CHD9: variants seen among roughly 807,000 people sequenced by gnomAD.
The protein encoded by CHD9 is ATP-dependent chromatin remodeler CHD9.
CHD9 carries 77 observed loss-of-function variants against 316.1 expected under a neutral mutation model. That is an observed-to-expected ratio of 0.24 (90% confidence interval 0.20 to 0.29). CHD9 has a LOEUF of 0.29. Ranked by LOEUF, CHD9 falls within the 10% of genes least tolerant of loss-of-function variation. The pLI is 1.00. For synonymous variants in CHD9, 1,129 were observed against 1,158.3 expected (o/e 0.97, Z 0.51); for missense variants, 2,763 against 3,438.1 (o/e 0.80, Z 4.91).
chr16:53,205,587 G>A (rs550089478), intron 2 of CHD9, among the ~76,000 whole-genome samples: 19 of 152,298 alleles, frequency 1.2e-4, no homozygotes, highest in East Asian at 7.7e-4. Flanking sequence ...TATTCTGTGG[G>A]AATATGGTTT....
chr16:53,084,300 G>A (rs1175115363), intron 1 of CHD9, among the ~76,000 whole-genome samples: 2 of 152,184 alleles, frequency 1.3e-5, no homozygotes, highest in East Asian at 1.9e-4. Context: ...AGTTCTTAAG[G>A]TTGACTCAAA....
Position 53,204,023 on chromosome 16 carries a change from C to CA in CHD9, c.1453-5433dup, listed in dbSNP as rs530552464. The stretch of plus-strand genomic sequence containing the variant: ...TGGGCGACAGAGCAAGACTCCATCT[C>CA]AAAAAAAAAAAAAAAAAAAAAAAAA... On this transcript the variant is annotated intron_variant, in intron 2 of 38. Transcript: ENST00000447540. 7.5e-3 allele frequency among the ~76,000 whole-genome samples: 361 copies of CA among 48,320 alleles called. 12 individuals carry two copies. The highest frequency in any genetic ancestry group is 0.015 in the East Asian group (19 of 1,236). 31.7% of individuals were successfully genotyped at this position (48,320 alleles called of 152,430 possible). A position where few individuals can be genotyped will look rare whatever the true frequency, so the allele number is the denominator to read the frequency against.
chr16:53,165,970 A>T (rs1322928475), intron 2 of CHD9, among the ~76,000 whole-genome samples: 1 of 152,144 alleles, frequency 6.6e-6, no homozygotes, highest in Non-Finnish European at 1.5e-5. Context: ...TTAAATCTTT[A>T]TGCATTTGGC....
At chr16:53,154,544 G>A (rs2041366051) in intron 1 of CHD9, among the ~76,000 whole-genome samples, 1 of 152,190 alleles carries the variant, frequency 6.6e-6, no homozygotes, top group East Asian at 1.9e-4. Flanking sequence ...CGTGGATGGG[G>A]TAGGGAAATG....
At chr16:53,208,501 T>C (rs2046066897) in intron 2 of CHD9, 3 of 1,148,414 alleles carry the variant, frequency 2.6e-6, no homozygotes, top group Non-Finnish European at 1.1e-6. Context: ...GTCTTGGTTA[T>C]TTGTTATAGC....
rs534508273 is a variant in CHD9, at chr16:53,303,799, A to G, written c.5793A>G (p.Leu1931=). 9.3e-6 allele frequency: 15 copies of G among 1,614,052 alleles called. No individual in the cohort carries two copies. The highest frequency in any genetic ancestry group is 6.7e-5 in the African/African-American group (5 of 75,072). The change falls in exon 31 of 39, where the codon CTA becomes CTG. Residue 1931 remains leucine, a synonymous_variant. Coordinates refer to ENST00000447540, the MANE Select transcript of CHD9 (RefSeq NM_001308319.2). ...GGACTTTGTATCGCATTGAACTTCT[A>G]AGGAAAGTACGGGAACAGGCCCTTC... The part of the protein sequence containing the change: ...ASRTLYRIEL[L]RKVREQALRH...
Position 53,254,611 on chromosome 16 carries a change from T to A in CHD9, c.4029+6T>A, listed in dbSNP as rs1465904917. The A allele has an allele frequency of 6.4e-7, 1 of 1,572,278 alleles. No homozygotes were observed. Among genetic ancestry groups the A allele is most frequent in the Non-Finnish European group, 8.7e-7 (1 of 1,154,814 alleles). ...GAGAAAGTAATGTTGGTGGTGTATG[T>A]ATAGTTTCTTTTTCACTTGAGATTT... On this transcript the variant is annotated splice_donor_region_variant and intron_variant, in intron 18 of 38. Transcript: ENST00000447540.
chr16:53,234,679 C>T (rs1051491582), intron 10 of CHD9, among the ~76,000 whole-genome samples: 3 of 151,860 alleles, frequency 2.0e-5, no homozygotes, highest in African/African-American at 7.3e-5. Context: ...TAATCTCAAG[C>T]GATCCTCCCC....
intron 1 of CHD9, 94 bp from the exon 2 acceptor site, chr16:53,155,832 C>T (rs2041484982): frequency 2.4e-6 from 1 of 412,436 alleles, no homozygotes; most frequent in African/African-American, 2.0e-5. Context: ...TGACTGACCT[C>T]TTTCACTTAG....
intron 2 of CHD9, among the ~76,000 whole-genome samples, chr16:53,204,385 C>T (rs966412777): frequency 3.3e-5 from 5 of 152,114 alleles, no homozygotes; most frequent in Non-Finnish European, 7.4e-5. Context: ...ACCTAAGTCC[C>T]CACTCAGATT....
intron 1 of CHD9, among the ~76,000 whole-genome samples, chr16:53,153,222 G>A (rs2041256686): frequency 2.6e-5 from 4 of 152,160 alleles, no homozygotes; most frequent in Admixed American, 2.0e-4. Flanking sequence ...GATTCCTCAA[G>A]TTTGTTGTAA....
At chr16:53,307,295 G>A (rs555986288) in intron 32 of CHD9, among the ~76,000 whole-genome samples, 4 of 152,128 alleles carry the variant, frequency 2.6e-5, no homozygotes, top group East Asian at 1.9e-4. Context: ...GTGAGACACG[G>A]TCTTACTCTG....
intron 1 of CHD9, among the ~76,000 whole-genome samples, chr16:53,143,358 T>A (rs986449793): frequency 7.2e-6 from 1 of 137,982 alleles, no homozygotes; most frequent in Admixed American, 7.3e-5. Context: ...TTTTATCTTA[T>A]TTTATTTATT....
Position 53,235,171 on chromosome 16 carries a change from GT to G in CHD9, c.2512-9del. The G allele has an allele frequency of 6.5e-7, 1 of 1,549,298 alleles. No homozygotes were observed. The highest frequency in any genetic ancestry group is 1.2e-5 in the South Asian group (1 of 82,854). On this transcript the variant is annotated splice_polypyrimidine_tract_variant and intron_variant, in intron 10 of 38. Transcript: ENST00000447540. ...AAGATTTAAACACCATTCATTCTTT[GT>G]TTTTCCACAAAGGACCGTCCTCCTT...
At chr16:53,195,763 CTT>C (rs553431442) in intron 2 of CHD9, among the ~76,000 whole-genome samples, 53 of 125,586 alleles carry the variant, frequency 4.2e-4, no homozygotes, top group Admixed American at 4.8e-4. Context: ...TCAATGTATG[CTT>C]TTTTTTTTTT....
rs781745545 is a variant in CHD9, at chr16:53,314,821, A to G, written c.7363-2A>G. ...AAGATACCATTTGGTGTTTTTTTAC[A>G]GGTTTCTTTAGGCTTAACCTCCTCA... On this transcript the variant is annotated splice_acceptor_variant, in intron 35 of 38. Coordinates refer to ENST00000447540, the MANE Select transcript of CHD9 (RefSeq NM_001308319.2). LOFTEE classifies it high-confidence loss of function. 1 of 1,587,364 alleles carries G rather than the reference A, an allele frequency of 6.3e-7. No homozygotes were observed. Among genetic ancestry groups the G allele is most frequent in the Non-Finnish European group, 8.6e-7 (1 of 1,165,446 alleles).
chr16:53,308,433 G>A (rs1372662219), intron 33 of CHD9, among the ~76,000 whole-genome samples: 1 of 152,124 alleles, frequency 6.6e-6, no homozygotes, highest in Non-Finnish European at 1.5e-5. Flanking sequence ...CAGTGTACTA[G>A]TAACATCTTG....
chr16:53,131,385 C>T lies in CHD9; in HGVS notation c.-164-24541C>T, dbSNP rs889337374. On this transcript the variant is annotated intron_variant, in intron 1 of 38. Coordinates refer to ENST00000447540, the MANE Select transcript of CHD9 (RefSeq NM_001308319.2). The stretch of plus-strand genomic sequence containing the variant: ...AGGGGCAGGCGGGGCGGCGCCCCCG[C>T]CTGAGGTGAGGGATCCGGTCCCGGG... The T allele has an allele frequency of 2.0e-3, 296 of 146,416 alleles. 3 individuals carry two copies. Among genetic ancestry groups the T allele is most frequent in the African/African-American group, 7.0e-3 (280 of 39,920 alleles). 9.1% of individuals were successfully genotyped at this position (146,416 alleles called of 1,614,324 possible). A position where few individuals can be genotyped will look rare whatever the true frequency, so the allele number is the denominator to read the frequency against.
At chr16:53,094,043 A>T (rs182678267) in intron 1 of CHD9, among the ~76,000 whole-genome samples, 136 of 152,294 alleles carry the variant, frequency 8.9e-4, no homozygotes, top group Non-Finnish European at 1.7e-3. Flanking sequence ...TTAAGGAAAA[A>T]GTGCTTGCTT....
Sources: gnomAD v4.1 joint callset for allele counts (sites outside exome capture counted in the v4.1 genomes callset) on GRCh38, gnomAD v4.1.1 for gene constraint, MANE v1.5 for transcripts, NCBI Gene and HGNC (gene_info 2026-07-23, HGNC 2026-07-21) for gene names.